VEPH1: variants seen among roughly 807,000 people sequenced by gnomAD.
VEPH1 encodes the protein ventricular zone-expressed PH domain-containing protein homolog 1.
A neutral mutation model predicts 85.2 loss-of-function variants in VEPH1; 80 were observed. That is an observed-to-expected ratio of 0.94 (90% CI 0.78 to 1.13). VEPH1 has a LOEUF of 1.13. VEPH1 is among the 50% of genes most tolerant of loss of function. The probability of loss-of-function intolerance (pLI) is 0.00; values close to 1 mark genes in which losing one functional copy is unlikely to be tolerated. For synonymous variants in VEPH1, 297 were observed against 348.0 expected, an observed-to-expected ratio of 0.85 and a Z score of 1.63; for missense variants, 955 against 980.5, an observed-to-expected ratio of 0.97 and a Z score of 0.35.
intron 11 of VEPH1, among the ~76,000 whole-genome samples, chr3:157,289,335 G>A (rs546494303): frequency 2.7e-4 from 41 of 152,098 alleles, no homozygotes; most frequent in Non-Finnish European, 5.6e-4. Flanking sequence ...CATTTGTCTT[G>A]GAAAAAAGTT....
At chr3:157,400,035 T>G (rs1042792640) in intron 6 of VEPH1, among the ~76,000 whole-genome samples, 1 of 152,146 alleles carries the variant, frequency 6.6e-6, no homozygotes, top group Non-Finnish European at 1.5e-5. Flanking sequence ...CCTATTAGAA[T>G]TTAAACATAT....
intron 11 of VEPH1, among the ~76,000 whole-genome samples, chr3:157,293,518 A>C (rs963865602): frequency 3.3e-5 from 5 of 152,204 alleles, no homozygotes; most frequent in Admixed American, 1.3e-4. Context: ...GGAAGAAAAC[A>C]CTATGTTTGA....
chr3:157,416,911 A>G (rs1215176951), intron 5 of VEPH1, among the ~76,000 whole-genome samples: 2 of 152,062 alleles, frequency 1.3e-5, no homozygotes, highest in African/African-American at 2.4e-5. Flanking sequence ...GAAGGACGGA[A>G]GGAGAAAGAG....
Position 157,433,661 on chromosome 3 carries a change from T to G in VEPH1, c.530-5173A>C, listed in dbSNP as rs144085889. On this transcript the variant is annotated intron_variant, in intron 4 of 13. Transcript: ENST00000362010. ...TTATTTAGAGCTGTTGCATCAACAT[T>G]CTTAATGAGAGAGATTGCAGTTTTC... Among the ~76,000 whole-genome samples, 60 of 152,366 alleles carry G rather than the reference T, an allele frequency of 3.9e-4. No individual in the cohort carries two copies. In the East Asian group the frequency reaches 7.3e-3, roughly 19 times the overall value.
intron 3 of VEPH1, among the ~76,000 whole-genome samples, chr3:157,468,475 T>C (rs914130281): frequency 3.9e-5 from 6 of 152,174 alleles, no homozygotes; most frequent in African/African-American, 1.2e-4. Flanking sequence ...CTCAGGAGGC[T>C]GAGGCAGGAG....
At chr3:157,401,268 G>T (rs1022965427) in intron 6 of VEPH1, among the ~76,000 whole-genome samples, 5 of 152,044 alleles carry the variant, frequency 3.3e-5, no homozygotes, top group African/African-American at 1.2e-4. Context: ...AAAGAGAAAG[G>T]CTGATTGTAT....
At position 157,395,873 on chromosome 3, in the gene VEPH1, G is replaced by A. The variant is rs139218236; in HGVS notation, c.907-14497C>T. 3.9e-3 allele frequency among the ~76,000 whole-genome samples: 595 copies of A among 150,724 alleles called. 4 individuals are homozygous for A. Among genetic ancestry groups the A allele is most frequent in the African/African-American group, 0.014 (576 of 41,192 alleles). On this transcript the variant is annotated intron_variant, in intron 6 of 13. Coordinates refer to ENST00000362010, the MANE Select transcript of VEPH1 (RefSeq NM_001167912.2). ...CTCCTCTCCCTCTTCCCACCCTCCC[G>A]CCTCAAGTAGACTCCAGTGTTTGTT...
intron 5 of VEPH1, among the ~76,000 whole-genome samples, chr3:157,427,355 T>A (rs1407483682): frequency 6.6e-6 from 1 of 151,994 alleles, no homozygotes. Flanking sequence ...CCTGACCTTG[T>A]GATCCACCAG....
chr3:157,448,325 T>C (rs1734705861), intron 4 of VEPH1, among the ~76,000 whole-genome samples: 1 of 152,204 alleles, frequency 6.6e-6, no homozygotes, highest in African/African-American at 2.4e-5. Context: ...TTTCCAATCA[T>C]TTGAAGTCGT....
At chr3:157,382,469 T>C (rs1382721201) in intron 6 of VEPH1, among the ~76,000 whole-genome samples, 1 of 152,230 alleles carries the variant, frequency 6.6e-6, no homozygotes, top group African/African-American at 2.4e-5. Flanking sequence ...TGTAGATTTG[T>C]GCCCAATAGA....
At chr3:157,369,914 A>G (rs541616702) in intron 7 of VEPH1, among the ~76,000 whole-genome samples, 1 of 152,256 alleles carries the variant, frequency 6.6e-6, no homozygotes, top group Admixed American at 6.5e-5. Context: ...GTTTACTCAT[A>G]GAGTGGTGGG....
At position 157,317,251 on chromosome 3, in the gene VEPH1, C is replaced by G. The variant is rs1358003350; in HGVS notation, c.1736-50G>C. ...AAACGTTATGGTCTTTCCAGAGTTACACTTTATATTGATACTTCAACACAC... is the reference window on the plus strand; with the variant it reads ...AAACGTTATGGTCTTTCCAGAGTTAGACTTTATATTGATACTTCAACACAC... On this transcript the variant is annotated intron_variant, in intron 9 of 13. Coordinates refer to ENST00000362010, the MANE Select transcript of VEPH1 (RefSeq NM_001167912.2). The G allele has an allele frequency of 2.7e-6, 4 of 1,498,996 alleles. No individual in the cohort carries two copies. The African/African-American group carries it at 5.6e-5, about 21-fold the overall frequency. The allele number at this position is 1,498,996 out of a possible 1,614,324, so 92.9% of individuals were successfully genotyped here.
intron 10 of VEPH1, chr3:157,315,824 G>A (rs1720693632): frequency 6.6e-6 from 1 of 151,498 alleles, no homozygotes; most frequent in African/African-American, 2.4e-5. Context: ...ACTGACAACT[G>A]TTTAGAACAA....
intron 6 of VEPH1, chr3:157,413,637 A>T (rs941555418): frequency 1.0e-6 from 1 of 985,358 alleles, no homozygotes; most frequent in African/African-American, 1.7e-5. Context: ...CTGCTACTTG[A>T]TTCAGAGGCC....
intron 11 of VEPH1, among the ~76,000 whole-genome samples, chr3:157,308,588 T>C (rs1052464229): frequency 1.3e-5 from 2 of 152,038 alleles, no homozygotes; most frequent in Non-Finnish European, 2.9e-5. Flanking sequence ...TCTCAAAAAT[T>C]TTCAAACTAG....
At chr3:157,439,920 T>G (rs914431915) in intron 4 of VEPH1, among the ~76,000 whole-genome samples, 10 of 152,122 alleles carry the variant, frequency 6.6e-5, no homozygotes, top group Non-Finnish European at 1.3e-4. Flanking sequence ...CCAGCTAATT[T>G]TTTGCATTTT....
At chr3:157,413,837 G>C (rs1285552805) in intron 6 of VEPH1, 44 bp downstream of exon 6, 1 of 1,588,818 alleles carries the variant, frequency 6.3e-7, no homozygotes, top group Non-Finnish European at 8.6e-7. Context: ...TGGATTAAGT[G>C]CCAGTGCAAT....
At chr3:157,381,425 T>C in intron 6 of VEPH1, 49 bp from the exon 7 acceptor site, 2 of 1,592,642 alleles carry the variant, frequency 1.3e-6, no homozygotes, top group East Asian at 2.2e-5. Context: ...AAGAAAATCA[T>C]CCAGGCATGG....
chr3:157,437,565 C>A (rs766846957), intron 4 of VEPH1: 1 of 1,602,212 alleles, frequency 6.2e-7, no homozygotes, highest in Non-Finnish European at 8.5e-7. Flanking sequence ...AGCTCTTCAT[C>A]ATGCTGGAGA....
Sources: gnomAD v4.1 joint callset for allele counts (sites outside exome capture counted in the v4.1 genomes callset) on GRCh38, gnomAD v4.1.1 for gene constraint, MANE v1.5 for transcripts, NCBI Gene and HGNC (gene_info 2026-07-23, HGNC 2026-07-21) for gene names.